The following CENPE variants were observed in gnomAD, a reference collection of about 807,000 sequenced individuals.
The protein encoded by CENPE is centromere-associated protein E.
A neutral mutation model predicts 336.1 loss-of-function variants in CENPE; 145 were observed. That is an observed-to-expected ratio of 0.43 (90% CI 0.38 to 0.50). The LOEUF is 0.50. Among genes scored for constraint, CENPE ranks in the 20% least tolerant of loss-of-function variants. The probability of loss-of-function intolerance (pLI) is 0.00; values close to 1 mark genes in which losing one functional copy is unlikely to be tolerated. For synonymous variants in CENPE, 1,013 were observed against 984.8 expected, an observed-to-expected ratio of 1.03 and a Z score of -0.54; for missense variants, 2,719 against 3,023.3, an observed-to-expected ratio of 0.90 and a Z score of 2.36.
Position 103,174,805 on chromosome 4 carries a change from C to A in CENPE, c.1578G>T (p.Leu526Phe), listed in dbSNP as rs753184129. 4 of 1,551,606 alleles carry A rather than the reference C, an allele frequency of 2.6e-6. No individual in the cohort carries two copies. The highest frequency in any genetic ancestry group is 3.5e-6 in the Non-Finnish European group (4 of 1,148,138). Residue 526 changes from leucine to phenylalanine, a missense_variant, in exon 16 of 49, where the codon TTG becomes TTT. Leu to Phe is a conservative substitution (Grantham distance 22, BLOSUM62 0). Coordinates refer to ENST00000265148, the MANE Select transcript of CENPE (RefSeq NM_001813.3). ...CCAAATCATTCTTTTCTTTTAATTT[C>A]AATTCCATTTCTTCTTTTTCTGTTC... ...QLRTEKEEME[L>F]KLKEKNDLDE...
chr4:103,196,726 A>G (rs1265464556), intron 2 of CENPE, 33 bp downstream of exon 2: 1 of 996,678 alleles, frequency 1.0e-6, no homozygotes, highest in Non-Finnish European at 1.6e-6. Context: ...CAAAAGGATA[A>G]CAAGGTAACT....
At chr4:103,154,154 T>G (rs1298681495) in intron 24 of CENPE, among the ~76,000 whole-genome samples, 1 of 152,028 alleles carries the variant, frequency 6.6e-6, no homozygotes, top group Non-Finnish European at 1.5e-5. Context: ...TTTAAAAGTT[T>G]TTATAATAAT....
At chr4:103,122,405 G>GT (rs1446442661) in intron 43 of CENPE, among the ~76,000 whole-genome samples, 1 of 152,084 alleles carries the variant, frequency 6.6e-6, no homozygotes, top group Non-Finnish European at 1.5e-5. Flanking sequence ...GTTAACCTGC[G>GT]TAACAATCTT....
At chr4:103,192,758 GATA>G (rs1446031533) in intron 8 of CENPE, among the ~76,000 whole-genome samples, 37 of 151,740 alleles carry the variant, frequency 2.4e-4, no homozygotes, top group African/African-American at 8.5e-4. Flanking sequence ...TAAAGTTTGA[GATA>G]ATGATGGGAC....
chr4:103,126,263 TAAAAC>T (rs1751090593), intron 42 of CENPE, among the ~76,000 whole-genome samples: 1 of 152,146 alleles, frequency 6.6e-6, no homozygotes, highest in African/African-American at 2.4e-5. Flanking sequence ...GGAACCATTT[TAAAAC>T]AAAACACAGC....
In CENPE at chr4:103,141,824, C is replaced by T; in HGVS notation, c.5389G>A (p.Val1797Ile). 1.3e-6 allele frequency: 2 copies of T among 1,586,012 alleles called. No homozygotes were observed. Among genetic ancestry groups the T allele is most frequent in the South Asian group, 1.1e-5 (1 of 89,216 alleles). ...GATAGTTTATCTGTCTTCTCAGAAACAATTCCTCTGAGTTTGTCAATAGTT... is the reference window on the plus strand; with the variant it reads ...GATAGTTTATCTGTCTTCTCAGAAATAATTCCTCTGAGTTTGTCAATAGTT... ...QETIDKLRGI[V>I]SEKTDKLSNM... Residue 1797 changes from valine (V) to isoleucine (I), a missense_variant, in exon 35 of 49, where the codon GTT (valine) becomes ATT (isoleucine). Val to Ile is a conservative substitution (Grantham distance 29). Transcript: ENST00000265148.
intron 8 of CENPE, among the ~76,000 whole-genome samples, chr4:103,188,555 C>G (rs541540349): frequency 1.8e-4 from 27 of 152,048 alleles, no homozygotes; most frequent in African/African-American, 5.8e-4. Context: ...GGGTACATAA[C>G]AAAATGAAGG....
Position 103,159,247 on chromosome 4 carries a change from C to T in CENPE, c.2364G>A (p.Glu788=). Residue 788 remains glutamate (E), a synonymous_variant, in exon 22 of 49, where the codon GAG becomes GAA. Transcript: ENST00000265148. ...CTTCAAGTAAACCTTGAACTCTACT[C>T]TCCTTATGAACTACTTCAGAAAACA... ...DKLFSEVVHK[E]SRVQGLLEEI... is the part of the protein sequence containing the mutation. The T allele has an allele frequency of 1.2e-6, 2 of 1,608,138 alleles. No homozygotes were observed. The highest frequency in any genetic ancestry group is 2.2e-5 in the South Asian group (2 of 90,450).
rs777361185 is a variant in CENPE, at chr4:103,196,120, G to T, written c.238+43C>A. The T allele has an allele frequency of 1.9e-6, 3 of 1,584,122 alleles. No individual in the cohort carries two copies. The South Asian group carries it at 3.3e-5, about 18-fold the overall frequency. On this transcript the variant is annotated intron_variant, in intron 3 of 48. Coordinates refer to ENST00000265148, the MANE Select transcript of CENPE (RefSeq NM_001813.3). ...AACTATGCATGCTTGTTGCACAGAC[G>T]CCCAAGACTAAAATGTTTCTGCAGC...
chr4:103,118,187 A>C (rs2125858011), intron 44 of CENPE, among the ~76,000 whole-genome samples: 1 of 152,272 alleles, frequency 6.6e-6, no homozygotes, highest in East Asian at 1.9e-4. Context: ...TTGCATTTCC[A>C]CTAGCAATTA....
rs142219639 is a variant in CENPE, at chr4:103,176,991, T to C, written c.1298A>G (p.Asn433Ser). 3.7e-6 allele frequency: 6 copies of C among 1,608,740 alleles called. No homozygotes were observed. The African/African-American group carries it at 8.0e-5, about 22-fold the overall frequency. The change falls in exon 14 of 49, where the codon AAC (asparagine) becomes AGC (serine). Residue 433 changes from asparagine to serine, a missense_variant. Asn to Ser is a conservative substitution (Grantham distance 46). This residue lies in a region of CENPE where 2,437 missense variants were observed against 2,513.3 expected (regional missense o/e 0.97). Transcript: ENST00000265148. ...WCLGKINKMKNSNYADQFNIP... is the reference protein window; with the variant it reads ...WCLGKINKMKSSNYADQFNIP... ...ATTAAATTGATCTGCATAGTTTGAGTTCTTCATTTTGTTAATTTTGCCAAG... is the reference window on the plus strand; with the variant it reads ...ATTAAATTGATCTGCATAGTTTGAGCTCTTCATTTTGTTAATTTTGCCAAG...
chr4:103,112,025 T>TA (rs994241496), intron 46 of CENPE, among the ~76,000 whole-genome samples: 2 of 151,786 alleles, frequency 1.3e-5, no homozygotes, highest in Non-Finnish European at 2.9e-5. Flanking sequence ...TACACTTTTT[T>TA]AAAAAAGACA....
intron 42 of CENPE, among the ~76,000 whole-genome samples, chr4:103,125,977 G>T (rs747646872): frequency 2.6e-5 from 4 of 152,000 alleles, no homozygotes; most frequent in Non-Finnish European, 5.9e-5. Context: ...GCAGGGCAAA[G>T]GGATGCTCCC....
At chr4:103,108,048 T>G (rs1232920769) in intron 48 of CENPE, among the ~76,000 whole-genome samples, 1 of 152,174 alleles carries the variant, frequency 6.6e-6, no homozygotes, top group African/African-American at 2.4e-5. Flanking sequence ...CATATTTCTT[T>G]CAACTCTTCC....
In CENPE at chr4:103,120,172, T is replaced by G. The variant is rs763228807; in HGVS notation, c.7305A>C (p.Thr2435=). The G allele has an allele frequency of 1.2e-6, 2 of 1,602,554 alleles. No individual in the cohort carries two copies. The highest frequency in any genetic ancestry group is 1.7e-6 in the Non-Finnish European group (2 of 1,176,600). Residue 2435 remains threonine, a synonymous_variant, in exon 44 of 49, where the codon ACA becomes ACC. Transcript: ENST00000265148. ...VHESNKCLEK[T]KETIQVLQDK... Reference sequence around the variant, plus strand: ...CCTGAAGTACTTGAATTGTCTCTTTTGTTTTTTCAAGGCATTTATTTGATT... The same window carrying G: ...CCTGAAGTACTTGAATTGTCTCTTTGGTTTTTTCAAGGCATTTATTTGATT...
rs1364809500 is a variant in CENPE at position 103,122,857 on chromosome 4, A to C, written c.7143+14T>G. The C allele has an allele frequency of 6.3e-7, 1 of 1,584,396 alleles. No individual in the cohort carries two copies. Among genetic ancestry groups the C allele is most frequent in the East Asian group, 2.2e-5 (1 of 44,674 alleles). ...AGCTGCAAACTGAAGAACATTTTAT[A>C]AGAAATTATATACCTCTGTGGTTAA... On this transcript the variant is annotated intron_variant, in intron 43 of 48. Coordinates refer to ENST00000265148, the MANE Select transcript of CENPE (RefSeq NM_001813.3).
chr4:103,189,426 C>G (rs1757102062), intron 8 of CENPE, among the ~76,000 whole-genome samples: 1 of 152,108 alleles, frequency 6.6e-6, no homozygotes, highest in Admixed American at 6.6e-5. Context: ...AGCAGCACAT[C>G]AAAAAGCTTA....
Position 103,183,215 on chromosome 4 carries a change from A to G in CENPE, c.819T>C (p.Ser273=). 6.2e-7 allele frequency: 1 copy of G among 1,612,742 alleles called. No individual in the cohort carries two copies. The highest frequency in any genetic ancestry group is 8.5e-7 in the Non-Finnish European group (1 of 1,179,124). ...FILGQVIKKL[S]DGQVGGFINY... ...GATAAACTTACCCAACTTGTCCATCACTAAGTTTCTTGATCACTTGTCCCA... is the reference window on the plus strand; with the variant it reads ...GATAAACTTACCCAACTTGTCCATCGCTAAGTTTCTTGATCACTTGTCCCA... The change falls in exon 10 of 49, where the codon AGT becomes AGC. Residue 273 remains serine, a synonymous_variant. Transcript: ENST00000265148.
chr4:103,140,952 AT>A lies in CENPE; in HGVS notation c.5615del (p.Asn1872IlefsTer13). The A allele has an allele frequency of 6.2e-7, 1 of 1,612,496 alleles. No homozygotes were observed. Among genetic ancestry groups the A allele is most frequent in the Non-Finnish European group, 8.5e-7 (1 of 1,178,882 alleles). ...GGTTTTCATGAAGTTTCTGAGCCAA[AT>A]TTAAATTCTCTATTTCTAATTTACT... Reference protein sequence around the residue: ...TLSKLEIENLNLAQKLHENLE... With the variant: ...TLSKLEIENLXLAQKLHENLE... On this transcript the variant is annotated frameshift_variant, in exon 36 of 49. Transcript: ENST00000265148. LOFTEE classifies it high-confidence loss of function.
Sources: gnomAD v4.1 joint callset for allele counts (sites outside exome capture counted in the v4.1 genomes callset) on GRCh38, gnomAD v4.1.1 for gene constraint, gnomAD v4.1.1 regional missense constraint, MANE v1.5 for transcripts, NCBI Gene and HGNC (gene_info 2026-07-23, HGNC 2026-07-21) for gene names.